Variants in SDK2 observed in about 807,000 individuals in gnomAD.
SDK2 encodes the protein protein sidekick-2.
Under a neutral mutation model 253.9 loss-of-function variants are expected in SDK2, and 105 were observed. That is an observed-to-expected ratio of 0.41 (90% CI 0.35 to 0.49). SDK2 has a LOEUF of 0.49. Among genes scored for constraint, SDK2 ranks in the 20% least tolerant of loss-of-function variants. The probability of loss-of-function intolerance (pLI) is 0.06; values close to 1 mark genes in which losing one functional copy is unlikely to be tolerated. For missense variants in SDK2, 2,608 were observed against 3,003.0 expected (o/e 0.87, Z 3.07); for synonymous variants, 1,249 against 1,234.9 (o/e 1.01, Z -0.24).
intron 42 of SDK2, 86 bp downstream of exon 42, chr17:73,350,564 G>A: frequency 6.1e-6 from 9 of 1,470,774 alleles, no homozygotes; most frequent in Non-Finnish European, 8.3e-6. Flanking sequence ...GGAGCCAGGA[G>A]AGGGACCTGA....
chr17:73,441,338 C>T (rs1474527320), intron 5 of SDK2, among the ~76,000 whole-genome samples: 1 of 152,272 alleles, frequency 6.6e-6, no homozygotes, highest in African/African-American at 2.4e-5. Flanking sequence ...ACAGAGTCAC[C>T]GGCCCCCTCC....
chr17:73,618,025 C>T lies in SDK2; in HGVS notation c.64+26000G>A, dbSNP rs143501995. On this transcript the variant is annotated intron_variant, in intron 1 of 44. Transcript: ENST00000392650. This position sits in a 1 kb window ranked among gnomAD's most constrained non-coding sequence, Gnocchi z 4.1. ...TAACCACTAGACCGAACCCACCAGG[C>T]CAAGGAGCCAGGGAGGTCCCATGGA... Among the ~76,000 whole-genome samples, 142 of 152,292 alleles carry T rather than the reference C, an allele frequency of 9.3e-4. No individual in the cohort carries two copies. The highest frequency in any genetic ancestry group is 1.4e-3 in the Admixed American group (21 of 15,302).
intron 42 of SDK2, 81 bp from the exon 43 acceptor site, chr17:73,350,456 C>A (rs1268896423): frequency 1.3e-6 from 2 of 1,525,300 alleles, no homozygotes; most frequent in Non-Finnish European, 8.8e-7. Context: ...GCTGGGTTAT[C>A]CCCTCTTTCT....
In SDK2 at chr17:73,470,132, C is replaced by G. The variant is rs1211528107; in HGVS notation, c.331+1980G>C. The stretch of plus-strand genomic sequence containing the variant: ...ATACATGTATGTGTATACACTTGCA[C>G]ATACTCAAATGCACACACATGAATA... On this transcript the variant is annotated intron_variant, in intron 3 of 44. Transcript: ENST00000392650. Among the ~76,000 whole-genome samples, 4 of 152,014 alleles carry G rather than the reference C, an allele frequency of 2.6e-5. No individual in the cohort carries two copies. In the East Asian group the frequency reaches 7.7e-4, roughly 29 times the overall value.
At position 73,470,668 on chromosome 17, in the gene SDK2, C is replaced by T. The variant is rs116617796; in HGVS notation, c.331+1444G>A. Among the ~76,000 whole-genome samples, 351 of 152,286 alleles carry T rather than the reference C, an allele frequency of 2.3e-3. 2 individuals carry two copies. The highest frequency in any genetic ancestry group is 8.1e-3 in the African/African-American group (336 of 41,558). The stretch of plus-strand genomic sequence containing the variant: ...TCCACTTTTGATTACGGTTGTTTTC[C>T]GTAATTATCATAAACACTCTTTGCC... On this transcript the variant is annotated intron_variant, in intron 3 of 44. Transcript: ENST00000392650.
intron 1 of SDK2, among the ~76,000 whole-genome samples, chr17:73,514,946 G>A (rs535878347): frequency 2.0e-5 from 3 of 152,280 alleles, no homozygotes; most frequent in Admixed American, 1.3e-4. Flanking sequence ...TGGACCCGGG[G>A]TCAGAGGGAG....
intron 2 of SDK2, among the ~76,000 whole-genome samples, chr17:73,505,181 A>C (rs1241218294): frequency 1.3e-5 from 2 of 152,232 alleles, no homozygotes; most frequent in African/African-American, 2.4e-5. Context: ...GATACACATT[A>C]AGGAAGCAAT....
chr17:73,537,287 T>C (rs2145814469), intron 1 of SDK2, among the ~76,000 whole-genome samples: 1 of 152,278 alleles, frequency 6.6e-6, no homozygotes, highest in East Asian at 1.9e-4. Flanking sequence ...GCCGCGTCTG[T>C]TAACGAGGGA....
At chr17:73,341,925 C>T (rs1390657366) in intron 44 of SDK2, among the ~76,000 whole-genome samples, 2 of 152,062 alleles carry the variant, frequency 1.3e-5, no homozygotes, top group Non-Finnish European at 2.9e-5. Context: ...TGGGTACTGA[C>T]GGGCACATAA....
intron 1 of SDK2, among the ~76,000 whole-genome samples, chr17:73,539,288 C>T (rs6501648): frequency 0.59 from 89,127 of 151,964 alleles, 26,453 homozygotes; most frequent in African/African-American, 0.65. Flanking sequence ...CAACCATTAA[C>T]GGGGACAGCC....
chr17:73,522,488 G>A (rs1599646068), intron 1 of SDK2, among the ~76,000 whole-genome samples: 3 of 152,346 alleles, frequency 2.0e-5, no homozygotes, highest in African/African-American at 7.2e-5. Context: ...CCTTGCCTGG[G>A]AACCAGCTGG....
chr17:73,379,509 C>T lies in SDK2; in HGVS notation c.4803G>A (p.Val1601=). The change falls in exon 35 of 45, where the codon GTG becomes GTA. Residue 1601 remains valine (V), a synonymous_variant. Transcript: ENST00000392650. This position sits in a 1 kb window ranked among gnomAD's most constrained non-coding sequence, Gnocchi z 4.5. The part of the protein sequence containing the change: ...KHRRYEIRMS[V]YNAVGEGPSS... ...AGGGCCCCTCACCCACAGCGTTGTA[C>T]ACGCTCATCCGTATCTCGTACCGCC... is the stretch of plus-strand genomic sequence containing the variant. 1 of 1,612,602 alleles carries T rather than the reference C, an allele frequency of 6.2e-7. No individual in the cohort carries two copies. The highest frequency in any genetic ancestry group is 8.5e-7 in the Non-Finnish European group (1 of 1,179,308).
chr17:73,593,180 C>T (rs948626735), intron 1 of SDK2, among the ~76,000 whole-genome samples: 2 of 152,156 alleles, frequency 1.3e-5, no homozygotes, highest in Non-Finnish European at 1.5e-5. Context: ...CCTCTGCCTA[C>T]GTCTGTGCCA....
rs1362278116 is a variant in SDK2, at chr17:73,379,872, C to T, written c.4763-323G>A. 6.6e-6 allele frequency among the ~76,000 whole-genome samples: 1 copy of T among 152,098 alleles called. No homozygotes were observed. Among genetic ancestry groups the T allele is most frequent in the Non-Finnish European group, 1.5e-5 (1 of 68,008 alleles). ...CAGTGTAAACCAAAGCTGTCCTGGGCATGCCTGGACATAGGGTCACCCCCT... is the reference window on the plus strand; with the variant it reads ...CAGTGTAAACCAAAGCTGTCCTGGGTATGCCTGGACATAGGGTCACCCCCT... On this transcript the variant is annotated intron_variant, in intron 34 of 44. Coordinates refer to ENST00000392650, the MANE Select transcript of SDK2 (RefSeq NM_001144952.2). This position sits in a 1 kb window ranked among gnomAD's most constrained non-coding sequence, Gnocchi z 4.5.
At chr17:73,498,806 A>G (rs1474193294) in intron 2 of SDK2, among the ~76,000 whole-genome samples, 1 of 152,218 alleles carries the variant, frequency 6.6e-6, no homozygotes, top group Non-Finnish European at 1.5e-5. Flanking sequence ...CTCCTTCTGC[A>G]GTGGCTTAGA....
chr17:73,590,027 C>A (rs1053308364), intron 1 of SDK2, among the ~76,000 whole-genome samples: 2 of 152,364 alleles, frequency 1.3e-5, no homozygotes, highest in South Asian at 2.1e-4. Context: ...CTGGGCCATT[C>A]AGGTGGCCAG....
chr17:73,401,649 C>T lies in SDK2; in HGVS notation c.2779+5G>A, dbSNP rs2063027058. On this transcript the variant is annotated splice_donor_5th_base_variant and intron_variant, in intron 20 of 44. Transcript: ENST00000392650. ...CCTCTGGTTCAGAAACACTGCAGTG[C>T]CTACCTGTGAGGATGCCATTTTTCT... 1.9e-6 allele frequency: 3 copies of T among 1,580,842 alleles called. No individual in the cohort carries two copies. The highest frequency in any genetic ancestry group is 2.6e-6 in the Non-Finnish European group (3 of 1,161,528).
chr17:73,483,661 G>GTGTGTGTGTGTGTGTGTA lies in SDK2; in HGVS notation c.225-11444_225-11443insTACACACACACACACACA, dbSNP rs1388091890. On this transcript the variant is annotated intron_variant, in intron 2 of 44. Coordinates refer to ENST00000392650, the MANE Select transcript of SDK2 (RefSeq NM_001144952.2). ...TATATATGTGTGTGTGTGTGTGTGT[G>GTGTGTGTGTGTGTGTGTA]TATATATATATATATATATATTTAT... Among the ~76,000 whole-genome samples the GTGTGTGTGTGTGTGTGTA allele has an allele frequency of 2.7e-4, 19 of 70,148 alleles. 3 individuals carry two copies. Among genetic ancestry groups the GTGTGTGTGTGTGTGTGTA allele is most frequent in the South Asian group, 4.7e-4 (1 of 2,146 alleles). 46.0% of individuals were successfully genotyped at this position (70,148 alleles called of 152,430 possible).
chr17:73,572,110 A>C (rs2045396901), intron 1 of SDK2, among the ~76,000 whole-genome samples: 1 of 152,192 alleles, frequency 6.6e-6, no homozygotes, highest in Non-Finnish European at 1.5e-5. Flanking sequence ...CATTCAGTGC[A>C]GGTGTTGTCT....
Sources: allele counts gnomAD v4.1 joint callset (sites outside exome capture counted in the v4.1 genomes callset), GRCh38; gene constraint gnomAD v4.1.1; non-coding constraint Gnocchi (gnomAD v3.1); transcripts MANE v1.5; gene names NCBI Gene and HGNC (gene_info 2026-07-23, HGNC 2026-07-21).